Variants in NFIB observed in about 807,000 individuals in gnomAD.
NFIB encodes the protein nuclear factor 1 B-type.
NFIB carries 11 observed loss-of-function variants against 61.5 expected under a neutral mutation model. The observed-to-expected ratio is 0.18, with a 90% CI of 0.11 to 0.30. The LOEUF is 0.30. NFIB is among the 10% of genes least tolerant of loss of function. The pLI is 1.00. For synonymous variants in NFIB, 260 were observed against 216.5 expected (o/e 1.20, Z -1.76); for missense variants, 471 against 608.9 (o/e 0.77, Z 2.38).
intron 1 of NFIB, among the ~76,000 whole-genome samples, chr9:14,396,468 G>A (rs1156479450): frequency 6.6e-6 from 1 of 151,994 alleles, no homozygotes; most frequent in Non-Finnish European, 1.5e-5. Flanking sequence ...TGAACAGTGG[G>A]GCCCAAATTC....
At chr9:14,229,528 TA>T (rs1329929682) in intron 2 of NFIB, among the ~76,000 whole-genome samples, 3 of 152,162 alleles carry the variant, frequency 2.0e-5, no homozygotes, top group African/African-American at 7.2e-5. Flanking sequence ...AATAATGCCT[TA>T]AATAAAATAA....
intron 5 of NFIB, among the ~76,000 whole-genome samples, chr9:14,149,268 A>G (rs964004374): frequency 1.8e-4 from 27 of 152,172 alleles, no homozygotes; most frequent in African/African-American, 6.5e-4. Context: ...AATTAATTCA[A>G]ATTCAACGAA....
intron 6 of NFIB, among the ~76,000 whole-genome samples, chr9:14,141,036 C>T (rs73642095): frequency 0.21 from 31,459 of 152,154 alleles, 3,558 homozygotes; most frequent in South Asian, 0.36. Context: ...GGCATTTTTA[C>T]TCTCTAGCCC....
chr9:14,135,800 C>G (rs1387988350), intron 6 of NFIB, among the ~76,000 whole-genome samples: 1 of 152,068 alleles, frequency 6.6e-6, no homozygotes, highest in Admixed American at 6.6e-5. Context: ...TTTATGAAAT[C>G]AGTTCCTTTT....
chr9:14,154,122 A>C (rs780922781), intron 4 of NFIB, among the ~76,000 whole-genome samples: 2 of 152,140 alleles, frequency 1.3e-5, no homozygotes, highest in Non-Finnish European at 2.9e-5. Flanking sequence ...TCTTTGTTTT[A>C]ATGTTTGAAA....
chr9:14,246,352 G>T (rs952531603), intron 2 of NFIB, among the ~76,000 whole-genome samples: 1 of 152,096 alleles, frequency 6.6e-6, no homozygotes, highest in Non-Finnish European at 1.5e-5. Flanking sequence ...TTAGGTACAG[G>T]AAGTCACTAC....
chr9:14,512,146 C>G, the NFIB span, among the ~76,000 whole-genome samples: 2 of 152,052 alleles, frequency 1.3e-5, no homozygotes, highest in African/African-American at 2.4e-5. Flanking sequence ...CTGGGTTTCC[C>G]AAGATGTCCC....
rs1347622255 is a variant in NFIB, at chr9:14,084,095, C to A, written c.*4214G>T. 3 of 205,840 alleles carry A rather than the reference C, an allele frequency of 1.5e-5. No individual in the cohort carries two copies. Among genetic ancestry groups the A allele is most frequent in the Non-Finnish European group, 2.0e-5 (2 of 100,674 alleles). 12.8% of individuals were successfully genotyped at this position (205,840 alleles called of 1,614,324 possible). ...TTTTTTAAAGGATTAGTATCCTATG[C>A]TTTTCAAGCACAGGAATCTGTGAAA... On this transcript the variant is annotated 3_prime_UTR_variant, in exon 11 of 11. Transcript: ENST00000380953.
At chr9:14,424,982 C>G in the NFIB span, among the ~76,000 whole-genome samples, 3 of 152,116 alleles carry the variant, frequency 2.0e-5, no homozygotes, top group East Asian at 5.8e-4. Context: ...CAATCTCCCC[C>G]CCTGGGCCTT....
At chr9:14,320,012 A>C (rs539388286) in intron 1 of NFIB, among the ~76,000 whole-genome samples, 1 of 152,350 alleles carries the variant, frequency 6.6e-6, no homozygotes, top group African/African-American at 2.4e-5. Flanking sequence ...CAAAGCAGTA[A>C]TATTATCAAA....
chr9:14,156,320 C>G (rs1286204174), intron 3 of NFIB, among the ~76,000 whole-genome samples: 1 of 152,170 alleles, frequency 6.6e-6, no homozygotes, highest in Non-Finnish European at 1.5e-5. Flanking sequence ...AGCCACCGTT[C>G]TTTTGTAAAC....
At chr9:14,515,769 G>C in the NFIB span, among the ~76,000 whole-genome samples, 3 of 152,218 alleles carry the variant, frequency 2.0e-5, no homozygotes, top group Non-Finnish European at 4.4e-5. Flanking sequence ...GGTGGGGCCT[G>C]AGTTTCTGCA....
intron 2 of NFIB, among the ~76,000 whole-genome samples, chr9:14,301,279 C>T (rs2059734524): frequency 6.6e-6 from 1 of 152,186 alleles, no homozygotes; most frequent in Non-Finnish European, 1.5e-5. Context: ...TCTCCAATTA[C>T]CACGATTCTC....
At chr9:14,228,221 G>A (rs1301191941) in intron 2 of NFIB, among the ~76,000 whole-genome samples, 3 of 143,204 alleles carry the variant, frequency 2.1e-5, no homozygotes, top group Non-Finnish European at 3.0e-5. Flanking sequence ...TTTTGAGACA[G>A]GGTCTCACTG....
chr9:14,252,077 T>C (rs1255471792), intron 2 of NFIB, among the ~76,000 whole-genome samples: 1 of 152,196 alleles, frequency 6.6e-6, no homozygotes, highest in African/African-American at 2.4e-5. Flanking sequence ...GTAGCCAGTT[T>C]TTAAAACTGT....
intron 2 of NFIB, among the ~76,000 whole-genome samples, chr9:14,295,645 C>A (rs1196352719): frequency 6.6e-6 from 1 of 151,710 alleles, no homozygotes; most frequent in Non-Finnish European, 1.5e-5. Flanking sequence ...AACAAACAAA[C>A]AAACAAACAA....
the NFIB span, among the ~76,000 whole-genome samples, chr9:14,471,033 A>G: frequency 6.6e-6 from 1 of 152,240 alleles, no homozygotes; most frequent in Non-Finnish European, 1.5e-5. Context: ...AGCATTAATG[A>G]TCTGAAAAAT....
chr9:14,293,285 C>G (rs979663175), intron 2 of NFIB, among the ~76,000 whole-genome samples: 4 of 152,180 alleles, frequency 2.6e-5, no homozygotes, highest in Admixed American at 2.0e-4. Flanking sequence ...TAGCTAGTCC[C>G]AGGCACATGG....
intron 3 of NFIB, among the ~76,000 whole-genome samples, chr9:14,175,283 C>A (rs1287495095): frequency 6.6e-6 from 1 of 150,780 alleles, no homozygotes; most frequent in Non-Finnish European, 1.5e-5. Flanking sequence ...ACGCCACTCT[C>A]CTGCCTCAGC....
Sources: allele counts gnomAD v4.1 joint callset (sites outside exome capture counted in the v4.1 genomes callset), GRCh38; gene constraint gnomAD v4.1.1; transcripts MANE v1.5; gene names NCBI Gene and HGNC (gene_info 2026-07-23, HGNC 2026-07-21).